POPDC1: variants seen among roughly 807,000 people sequenced by gnomAD.
The protein encoded by POPDC1 is popeye domain cAMP effector 1.
chr6:105,110,219 G>C, the POPDC1 span, among the ~76,000 whole-genome samples: 1 of 148,868 alleles, frequency 6.7e-6, no homozygotes, highest in South Asian at 2.2e-4. Context: ...AAAGTGGTCA[G>C]GATGTGTCAG....
At chr6:105,114,737 G>T in the POPDC1 span, among the ~76,000 whole-genome samples, 6 of 152,142 alleles carry the variant, frequency 3.9e-5, no homozygotes, top group African/African-American at 1.2e-4. Context: ...TGGGTTATTT[G>T]TGTTACTTAA....
chr6:105,105,610 C>T, the POPDC1 span, among the ~76,000 whole-genome samples: 2 of 152,118 alleles, frequency 1.3e-5, no homozygotes, highest in African/African-American at 4.8e-5. Flanking sequence ...TTCTTTGAAC[C>T]CCTAATACAT....
chr6:105,105,479 C>T, the POPDC1 span, among the ~76,000 whole-genome samples: 1 of 152,208 alleles, frequency 6.6e-6, no homozygotes, highest in Non-Finnish European at 1.5e-5. Flanking sequence ...CACCAGAAAG[C>T]CCAGCTTTGA....
chr6:105,128,697 A>C, the POPDC1 span, among the ~76,000 whole-genome samples: 1 of 152,184 alleles, frequency 6.6e-6, no homozygotes, highest in African/African-American at 2.4e-5. Flanking sequence ...GTTTTCTGAT[A>C]GTTTTCTACA....
At chr6:105,107,654 A>G in the POPDC1 span, among the ~76,000 whole-genome samples, 369 of 152,296 alleles carry the variant, frequency 2.4e-3, 3 homozygotes, top group East Asian at 0.041. Flanking sequence ...AACTTTAATG[A>G]CGTTTTCTCC....
chr6:105,128,983 T>A, the POPDC1 span, among the ~76,000 whole-genome samples: 1 of 152,174 alleles, frequency 6.6e-6, no homozygotes, highest in African/African-American at 2.4e-5. Context: ...TATACAGTTA[T>A]TACACTAAAA....
the POPDC1 span, chr6:105,136,436 G>A: frequency 7.2e-5 from 11 of 152,262 alleles, no homozygotes; most frequent in Non-Finnish European, 1.5e-4. Flanking sequence ...CGGGGGTGAG[G>A]AGTGAGCGCC....
the POPDC1 span, chr6:105,129,511 A>C: frequency 6.2e-7 from 1 of 1,602,204 alleles, no homozygotes; most frequent in Non-Finnish European, 8.5e-7. Flanking sequence ...ATCCTGTTGA[A>C]GAGCAAAGTT....
chr6:105,103,896 G>T, the POPDC1 span, among the ~76,000 whole-genome samples: 2 of 152,180 alleles, frequency 1.3e-5, no homozygotes, highest in African/African-American at 4.8e-5. Flanking sequence ...ATGGTTAAGT[G>T]AGAACTTCCC....
chr6:105,105,507 T>C, the POPDC1 span, among the ~76,000 whole-genome samples: 1 of 152,234 alleles, frequency 6.6e-6, no homozygotes, highest in Non-Finnish European at 1.5e-5. Flanking sequence ...GGGGCTCACC[T>C]GGCCCCTAGA....
the POPDC1 span, among the ~76,000 whole-genome samples, chr6:105,112,337 C>T: frequency 4.6e-5 from 7 of 152,028 alleles, no homozygotes; most frequent in South Asian, 8.3e-4. Flanking sequence ...GATCGTGATT[C>T]GAAAAATAAT....
At chr6:105,102,632 A>G in the POPDC1 span, among the ~76,000 whole-genome samples, 1 of 152,164 alleles carries the variant, frequency 6.6e-6, no homozygotes, top group Admixed American at 6.5e-5. Context: ...CTCTGTTTCC[A>G]TATCTATAAA....
chr6:105,110,096 GAGCAC>G, the POPDC1 span, among the ~76,000 whole-genome samples: 1 of 152,180 alleles, frequency 6.6e-6, no homozygotes, highest in Non-Finnish European at 1.5e-5. Context: ...TGGCATGAGA[GAGCAC>G]AGCCTCTACT....
the POPDC1 span, among the ~76,000 whole-genome samples, chr6:105,134,475 T>C: frequency 6.6e-6 from 1 of 152,192 alleles, no homozygotes; most frequent in African/African-American, 2.4e-5. Flanking sequence ...AAACACTATG[T>C]AGGTTTACAG....
the POPDC1 span, among the ~76,000 whole-genome samples, chr6:105,123,768 G>A: frequency 3.3e-5 from 5 of 152,280 alleles, no homozygotes; most frequent in East Asian, 3.9e-4. Flanking sequence ...GAAGAACTTC[G>A]TTCTTTCCCC....
At chr6:105,123,803 G>C in the POPDC1 span, among the ~76,000 whole-genome samples, 58 of 152,288 alleles carry the variant, frequency 3.8e-4, no homozygotes, top group African/African-American at 1.4e-3. Flanking sequence ...TAAGTAAAAA[G>C]AGTTTAGTGA....
the POPDC1 span, among the ~76,000 whole-genome samples, chr6:105,119,054 A>G: frequency 6.6e-6 from 1 of 151,958 alleles, no homozygotes; most frequent in African/African-American, 2.4e-5. Flanking sequence ...GTATGGTGGC[A>G]GGCGCCTGTA....
At chr6:105,102,884 G>A in the POPDC1 span, among the ~76,000 whole-genome samples, 34 of 152,210 alleles carry the variant, frequency 2.2e-4, 1 homozygote, top group Non-Finnish European at 2.9e-5. Flanking sequence ...GTATATATAC[G>A]GAAATTGTTC....
the POPDC1 span, among the ~76,000 whole-genome samples, chr6:105,101,734 A>T: frequency 6.6e-6 from 1 of 152,166 alleles, no homozygotes; most frequent in Non-Finnish European, 1.5e-5. Flanking sequence ...ACAGGGGAAG[A>T]GGAAGAAAGG....
Sources: allele counts gnomAD v4.1 joint callset (sites outside exome capture counted in the v4.1 genomes callset), GRCh38; gene constraint gnomAD v4.1.1; transcripts MANE v1.5; gene names NCBI Gene and HGNC (gene_info 2026-07-23, HGNC 2026-07-21).